Variants in ARHGEF1 observed in about 807,000 individuals in gnomAD.
ARHGEF1 encodes the protein Rho guanine nucleotide exchange factor 1, also known as 115 kDa guanine nucleotide exchange factor.
In ARHGEF1, 40 loss-of-function variants were observed where a neutral mutation model predicts 119.7. The observed-to-expected ratio is 0.33, with a 90% CI of 0.26 to 0.44. The LOEUF (loss-of-function observed/expected upper bound fraction) is 0.44, where lower values mean the gene tolerates loss of function less well. Ranked by LOEUF, ARHGEF1 falls within the 20% of genes least tolerant of loss-of-function variation. ARHGEF1 has a pLI of 1.00. For missense variants in ARHGEF1, 976 were observed against 1,268.3 expected (o/e 0.77, Z 3.50); for synonymous variants, 494 against 521.0 (o/e 0.95, Z 0.71).
At chr19:41,913,101 G>T (rs2074763678) in intron 18 of ARHGEF1, among the ~76,000 whole-genome samples, 1 of 151,436 alleles carries the variant, frequency 6.6e-6, no homozygotes, top group South Asian at 2.1e-4. Flanking sequence ...GCACCGCTCT[G>T]TCCCCAGCCG....
In ARHGEF1 at chr19:41,905,217, C is replaced by T. The variant is rs782731918; in HGVS notation, c.2292C>T (p.Val764=). The change falls in exon 24 of 29, where the codon GTC becomes GTT. Residue 764 remains valine (V), a synonymous_variant. Coordinates refer to ENST00000354532, the MANE Select transcript of ARHGEF1 (RefSeq NM_004706.4). This position sits in a 1 kb window ranked among gnomAD's most constrained non-coding sequence, Gnocchi z 6.4. ...CTGAGACTGCCGGATCCCTGAAAGT[C>T]CCTGCCCCTGCCTCTCGCCCTAAGC... ...LITETAGSLK[V]PAPASRPKPR... 1 of 1,614,056 alleles carries T rather than the reference C, an allele frequency of 6.2e-7. No individual in the cohort carries two copies. Among genetic ancestry groups the T allele is most frequent in the East Asian group, 2.2e-5 (1 of 44,874 alleles).
downstream of ARHGEF1, among the ~76,000 whole-genome samples, chr19:41,911,661 G>A (rs2074752433): frequency 6.6e-6 from 1 of 152,048 alleles, no homozygotes; most frequent in Non-Finnish European, 1.5e-5. Context: ...TGACAGGGCT[G>A]GATCCAGACT....
chr19:41,899,057 A>G (rs1004976332), intron 14 of ARHGEF1, among the ~76,000 whole-genome samples: 3 of 152,170 alleles, frequency 2.0e-5, no homozygotes, highest in South Asian at 2.1e-4. Flanking sequence ...CAGTGGCACA[A>G]TCACGGCTCA....
chr19:41,920,897 AC>A (rs1296532675), upstream of ARHGEF1, among the ~76,000 whole-genome samples: 2 of 151,114 alleles, frequency 1.3e-5, no homozygotes, highest in African/African-American at 4.9e-5. Flanking sequence ...GGAGACCCAC[AC>A]CCCCCTCCCT....
At position 41,898,187 on chromosome 19, in the gene ARHGEF1, A is replaced by C. The variant is rs1348562797; in HGVS notation, c.1122-255A>C. ...TCAGGGAGGGATTGTTGTCAGAGTC[A>C]CAGAGGAATGGGCGTTGGAGACCGA... On this transcript the variant is annotated intron_variant, in intron 13 of 28. Coordinates refer to ENST00000354532, the MANE Select transcript of ARHGEF1 (RefSeq NM_004706.4). 3 of 1,410,748 alleles carry C rather than the reference A, an allele frequency of 2.1e-6. No homozygotes were observed. In the African/African-American group the frequency reaches 4.4e-5, roughly 21 times the overall value. 87.4% of individuals were successfully genotyped at this position (1,410,748 alleles called of 1,614,324 possible).
At position 41,904,286 on chromosome 19, in the gene ARHGEF1, G is replaced by C; in HGVS notation, c.2064G>C (p.Lys688Asn). 6.2e-7 allele frequency: 1 copy of C among 1,612,428 alleles called. No homozygotes were observed. Residue 688 changes from lysine (K) to asparagine (N), a missense_variant, in exon 22 of 29, where the codon AAG becomes AAC. This residue lies in a region of ARHGEF1 where 286 missense variants were observed against 506.8 expected (regional missense o/e 0.56). Transcript: ENST00000354532. The surrounding 1 kb of genome is among the most constrained non-coding windows in gnomAD (Gnocchi z 8.4). ...LQRQDERLLL[K>N]SHSRTLTPTP... is the part of the protein sequence containing the mutation. The stretch of plus-strand genomic sequence containing the variant: ...GCCAGGACGAGCGGCTGCTGCTCAA[G>C]TCCCATAGCCGGACACTGACGCCCA...
In ARHGEF1 at chr19:41,903,369, C is replaced by G; in HGVS notation, c.1801C>G (p.His601Asp). 2 of 1,613,942 alleles carry G rather than the reference C, an allele frequency of 1.2e-6. No homozygotes were observed. The highest frequency in any genetic ancestry group is 1.7e-6 in the Non-Finnish European group (2 of 1,180,030). The change falls in exon 19 of 29, where the codon CAC (histidine) becomes GAC (aspartate). Residue 601 changes from histidine to aspartate, a missense_variant. His to Asp is a moderately conservative substitution (Grantham distance 81, BLOSUM62 -1). This residue lies in a region of ARHGEF1 where 286 missense variants were observed against 506.8 expected (regional missense o/e 0.56). Transcript: ENST00000354532. This position sits in a 1 kb window ranked among gnomAD's most constrained non-coding sequence, Gnocchi z 4.2. ...CGAGTGCTGCCGGGAAATTCTACAC[C>G]ACGTCAACCAAGCCGTGCGTGACAT... is the stretch of plus-strand genomic sequence containing the variant. ...AAECCREILH[H>D]VNQAVRDMED...
chr19:41,913,564 C>A (rs1243914248), intron 18 of ARHGEF1, among the ~76,000 whole-genome samples: 1 of 151,590 alleles, frequency 6.6e-6, no homozygotes, highest in Non-Finnish European at 1.5e-5. Context: ...CACAGGGCAG[C>A]CCCCAGCGCC....
At chr19:41,899,319 A>G (rs1459302931) in intron 14 of ARHGEF1, among the ~76,000 whole-genome samples, 1 of 152,030 alleles carries the variant, frequency 6.6e-6, no homozygotes, top group African/African-American at 2.4e-5. Flanking sequence ...GATTGTTGTT[A>G]CTAGTTTGAT....
chr19:41,910,554 C>T (rs1568829711), downstream of ARHGEF1, among the ~76,000 whole-genome samples: 2 of 152,170 alleles, frequency 1.3e-5, no homozygotes, highest in Non-Finnish European at 2.9e-5. The surrounding 1 kb of genome is among the most constrained non-coding windows in gnomAD (Gnocchi z 4.4). Flanking sequence ...TCCCCTGCTC[C>T]ACCTTTCGAC....
intron 2 of ARHGEF1, among the ~76,000 whole-genome samples, chr19:41,929,150 G>A (rs1344582711): frequency 1.3e-5 from 2 of 151,834 alleles, no homozygotes; most frequent in South Asian, 4.2e-4. Flanking sequence ...GGCACACACA[G>A]AGAAACATAT....
rs1555850068 is a variant in ARHGEF1 at position 41,905,844 on chromosome 19, G to A, written c.2404+17G>A. 6.2e-7 allele frequency: 1 copy of A among 1,614,114 alleles called. No homozygotes were observed. Among genetic ancestry groups the A allele is most frequent in the South Asian group, 1.1e-5 (1 of 91,084 alleles). ...CAGCTGATGGTGAGACCAGAGGGAT[G>A]CTGGGTGAGGGGCCAGGTTGGGGCT... On this transcript the variant is annotated intron_variant, in intron 25 of 28. Transcript: ENST00000354532. The surrounding 1 kb of genome is among the most constrained non-coding windows in gnomAD (Gnocchi z 6.4).
rs41301951 is a variant in ARHGEF1, at chr19:41,905,075, G to A, written c.2249+39G>A. Reference sequence around the variant, plus strand: ...TGAGTTCTGAGTGTGGGTGGAGGACGCCCAGGTTTCTGGGTTCCCAGGGAC... The same window carrying A: ...TGAGTTCTGAGTGTGGGTGGAGGACACCCAGGTTTCTGGGTTCCCAGGGAC... On this transcript the variant is annotated intron_variant, in intron 23 of 28. Coordinates refer to ENST00000354532, the MANE Select transcript of ARHGEF1 (RefSeq NM_004706.4). The surrounding 1 kb of genome is among the most constrained non-coding windows in gnomAD (Gnocchi z 6.4). 9,843 of 1,609,906 alleles carry A rather than the reference G, an allele frequency of 6.1e-3. 347 individuals carry two copies. The African/African-American group carries it at 0.092, about 15-fold the overall frequency.
At chr19:41,915,648 G>A (rs2074796254) in intron 18 of ARHGEF1, among the ~76,000 whole-genome samples, 1 of 151,560 alleles carries the variant, frequency 6.6e-6, no homozygotes, top group African/African-American at 2.4e-5. Flanking sequence ...CTGTCTCCAT[G>A]CCCCATCTCC....
At chr19:41,912,929 G>A (rs2074762435) in intron 18 of ARHGEF1, 4 of 1,229,792 alleles carry the variant, frequency 3.3e-6, no homozygotes, top group East Asian at 3.2e-5. Context: ...TGGCGGAGCC[G>A]GCCCTGCAGA....
chr19:41,904,210 C>T lies in ARHGEF1; in HGVS notation c.1994-6C>T. On this transcript the variant is annotated splice_region_variant and splice_polypyrimidine_tract_variant and intron_variant, in intron 21 of 28. Coordinates refer to ENST00000354532, the MANE Select transcript of ARHGEF1 (RefSeq NM_004706.4). The surrounding 1 kb of genome is among the most constrained non-coding windows in gnomAD (Gnocchi z 8.4). Reference sequence around the variant, plus strand: ...GCACGCCGTGTGAGCACTGCTCGCCCCGTAGAGGTGCATGTGCTGCTGCTG... The same window carrying T: ...GCACGCCGTGTGAGCACTGCTCGCCTCGTAGAGGTGCATGTGCTGCTGCTG... 1 of 1,613,522 alleles carries T rather than the reference C, an allele frequency of 6.2e-7. No homozygotes were observed. Among genetic ancestry groups the T allele is most frequent in the Non-Finnish European group, 8.5e-7 (1 of 1,179,710 alleles).
At chr19:41,912,421 C>T (rs570655363), downstream of ARHGEF1, among the ~76,000 whole-genome samples, 280 of 152,314 alleles carry the variant, frequency 1.8e-3, 2 homozygotes, top group African/African-American at 6.4e-3. Flanking sequence ...TCGGTCTGGC[C>T]GGGTCGTGCC....
At chr19:41,896,577 C>T (rs1052432939) in intron 13 of ARHGEF1, 95 bp downstream of exon 13, 15 of 971,720 alleles carry the variant, frequency 1.5e-5, no homozygotes, top group Non-Finnish European at 2.1e-5. Context: ...CTGCCTGTCC[C>T]AGGCTCTTGC....
intron 2 of ARHGEF1, among the ~76,000 whole-genome samples, chr19:41,929,439 TAAC>T (rs1555853662): frequency 1.3e-5 from 2 of 152,114 alleles, no homozygotes; most frequent in African/African-American, 2.4e-5. Context: ...CCCATTGAAA[TAAC>T]AAGTCAATAT....
Sources: gnomAD v4.1 joint callset for allele counts (sites outside exome capture counted in the v4.1 genomes callset) on GRCh38, gnomAD v4.1.1 for gene constraint, gnomAD v4.1.1 regional missense constraint, Gnocchi (gnomAD v3.1) non-coding constraint, MANE v1.5 for transcripts, NCBI Gene and HGNC (gene_info 2026-07-23, HGNC 2026-07-21) for gene names.